The following NFATC2 variants were observed in gnomAD, a reference collection of about 807,000 sequenced individuals.
The protein encoded by NFATC2 is nuclear factor of activated T-cells, cytoplasmic 2.
In NFATC2, 22 loss-of-function variants were observed where a neutral mutation model predicts 87.3. The ratio of observed to expected loss-of-function variants is 0.25; its 90% CI spans 0.18 to 0.36. The LOEUF is 0.36. Among genes scored for constraint, NFATC2 ranks in the 10% least tolerant of loss-of-function variants. NFATC2 has a pLI of 1.00. For missense variants in NFATC2, 1,149 were observed against 1,259.1 expected (o/e 0.91, Z 1.32); for synonymous variants, 565 against 542.2 (o/e 1.04, Z -0.58).
At chr20:51,503,356 A>T (rs1014851763) in intron 3 of NFATC2, among the ~76,000 whole-genome samples, 2 of 152,186 alleles carry the variant, frequency 1.3e-5, no homozygotes, top group Non-Finnish European at 2.9e-5. Flanking sequence ...GACAAGTAAC[A>T]TTCTCTCCAA....
intron 3 of NFATC2, among the ~76,000 whole-genome samples, chr20:51,513,293 C>T (rs6013207): frequency 9.9e-5 from 15 of 151,888 alleles, no homozygotes; most frequent in African/African-American, 1.5e-4. Context: ...GCCTAAGCAA[C>T]GCAGGGAGAC....
At chr20:51,399,356 C>CAAAACACCTGT (rs1987731783) in intron 9 of NFATC2, 1 of 152,194 alleles carries the variant, frequency 6.6e-6, no homozygotes, top group Non-Finnish European at 1.5e-5. Flanking sequence ...CTGTGGCTTT[C>CAAAACACCTGT]AAAACACCTG....
rs1215878752 is a variant in NFATC2, at chr20:51,444,698, G to A, written c.1850-8937C>T. Among the ~76,000 whole-genome samples the A allele has an allele frequency of 2.0e-4, 30 of 152,198 alleles. 2 individuals are homozygous for A. The highest frequency in any genetic ancestry group is 1.8e-3 in the Admixed American group (28 of 15,284). On this transcript the variant is annotated intron_variant, in intron 6 of 10. Transcript: ENST00000371564. ...CACATGATGCTTCCCAGTCCTGGCC[G>A]TGCTTTTAAAAATTAGCCAAATAAA... is the stretch of plus-strand genomic sequence containing the variant.
intron 9 of NFATC2, among the ~76,000 whole-genome samples, chr20:51,404,107 C>A (rs1988323497): frequency 6.6e-6 from 1 of 151,704 alleles, no homozygotes; most frequent in East Asian, 1.9e-4. Context: ...CTAGGAGGCC[C>A]TCTTTTTCCT....
At chr20:51,503,719 G>A (rs1600890152) in intron 3 of NFATC2, among the ~76,000 whole-genome samples, 1 of 152,234 alleles carries the variant, frequency 6.6e-6, no homozygotes, top group South Asian at 2.1e-4. Context: ...GCCTGGGAGG[G>A]GCCTTCAGGC....
chr20:51,396,214 A>G (rs1253863438), intron 10 of NFATC2, among the ~76,000 whole-genome samples: 1 of 151,738 alleles, frequency 6.6e-6, no homozygotes, highest in Non-Finnish European at 1.5e-5. Context: ...TTCTGTTAGT[A>G]TCCCATTCTG....
At chr20:51,532,673 G>A (rs974775327) in intron 1 of NFATC2, among the ~76,000 whole-genome samples, 2 of 152,204 alleles carry the variant, frequency 1.3e-5, no homozygotes, top group African/African-American at 4.8e-5. Context: ...GTGGCCGCTC[G>A]CTCAGCGCCA....
In NFATC2 at chr20:51,438,051, A is replaced by C. The variant is rs540022223; in HGVS notation, c.1850-2290T>G. On this transcript the variant is annotated intron_variant, in intron 6 of 10. Coordinates refer to ENST00000371564, the MANE Select transcript of NFATC2 (RefSeq NM_012340.5). The stretch of plus-strand genomic sequence containing the variant: ...AGCAAGGGAAGATCGCTGGATGGAC[A>C]TCGAGGAATTGGAAGTGAAGTCATC... Among the ~76,000 whole-genome samples, 11 of 152,364 alleles carry C rather than the reference A, an allele frequency of 7.2e-5. No homozygotes were observed. In the South Asian group the frequency reaches 2.3e-3, roughly 32 times the overall value.
chr20:51,398,019 AGGTGGATCTGCTGGGTG>A (rs1568925292), intron 10 of NFATC2, among the ~76,000 whole-genome samples: 2 of 152,148 alleles, frequency 1.3e-5, no homozygotes, highest in Non-Finnish European at 2.9e-5. Context: ...AGGCCCATCG[AGGTGGATCTGCTGGGTG>A]AGGGGCTCAG....
rs1373546904 is a variant in NFATC2 at position 51,523,809 on chromosome 20, C to T, written c.432G>A (p.Gly144=). The T allele has an allele frequency of 6.2e-7, 1 of 1,609,692 alleles. No homozygotes were observed. The highest frequency in any genetic ancestry group is 1.7e-5 in the Admixed American group (1 of 59,446). ...GGGTGAACCTCGGGCTGGCGGCCAC[C>T]CCGGCCAGGGGCGGCTGCTCCACCA... ...GLLVEQPPLA[G]VAASPRFTLP... is the part of the protein sequence containing the mutation. The change falls in exon 2 of 11, where the codon GGG becomes GGA. Residue 144 remains glycine (G), a synonymous_variant. Transcript: ENST00000371564. This position sits in a 1 kb window ranked among gnomAD's most constrained non-coding sequence, Gnocchi z 6.9.
At chr20:51,452,538 T>G (rs968496779) in intron 6 of NFATC2, among the ~76,000 whole-genome samples, 1 of 152,070 alleles carries the variant, frequency 6.6e-6, no homozygotes, top group Non-Finnish European at 1.5e-5. Flanking sequence ...CCCACCAATC[T>G]CTTGCCTTTC....
chr20:51,557,464 T>C (rs950205665), intron 1 of NFATC2, among the ~76,000 whole-genome samples: 1 of 152,134 alleles, frequency 6.6e-6, no homozygotes, highest in Non-Finnish European at 1.5e-5. Context: ...CGGTTGACAC[T>C]CAGTGAGTGG....
chr20:51,487,643 A>T (rs1237038258), intron 3 of NFATC2, among the ~76,000 whole-genome samples: 1 of 152,210 alleles, frequency 6.6e-6, no homozygotes, highest in Non-Finnish European at 1.5e-5. Flanking sequence ...GATGGTGAAG[A>T]GGCAAAAGCT....
intron 1 of NFATC2, among the ~76,000 whole-genome samples, chr20:51,549,071 T>G (rs1217168581): frequency 6.6e-6 from 1 of 152,122 alleles, no homozygotes; most frequent in Non-Finnish European, 1.5e-5. Context: ...GATGGAAGGA[T>G]CGCTCAAGCC....
intron 9 of NFATC2, among the ~76,000 whole-genome samples, chr20:51,408,511 TTAAAAA>T (rs1482463091): frequency 3.2e-5 from 4 of 125,348 alleles, no homozygotes; most frequent in South Asian, 2.4e-4. Flanking sequence ...AAGACTCTTT[TTAAAAA>T]AAAAAAAAAA....
chr20:51,477,914 G>A (rs1988895474), intron 3 of NFATC2, among the ~76,000 whole-genome samples: 1 of 152,056 alleles, frequency 6.6e-6, no homozygotes, highest in African/African-American at 2.4e-5. Flanking sequence ...AGTTTTTCAG[G>A]TACACTAGCC....
At chr20:51,513,123 C>CTT (rs2146678413) in intron 3 of NFATC2, among the ~76,000 whole-genome samples, 1 of 152,258 alleles carries the variant, frequency 6.6e-6, no homozygotes. Context: ...AAAGACTCCA[C>CTT]TTTTTGTCTT....
rs1245750964 is a variant in NFATC2, at chr20:51,473,871, C to G, written c.1708+109G>C. The G allele has an allele frequency of 2.5e-6, 3 of 1,184,482 alleles. No individual in the cohort carries two copies. The Admixed American group carries it at 7.4e-5, about 29-fold the overall frequency. The allele number at this position is 1,184,482 out of a possible 1,614,324, so 73.4% of individuals were successfully genotyped here. ...CCAGTGTAACCCTGTGGGTCCCACA[C>G]ATTCCCGCAGGCCACCCCGGGTACC... On this transcript the variant is annotated intron_variant, in intron 5 of 10. Coordinates refer to ENST00000371564, the MANE Select transcript of NFATC2 (RefSeq NM_012340.5).
chr20:51,519,019 C>T (rs1024174682), intron 2 of NFATC2, among the ~76,000 whole-genome samples: 1 of 151,822 alleles, frequency 6.6e-6, no homozygotes, highest in South Asian at 2.1e-4. Context: ...TGAGCCACTG[C>T]GCCTGGCCAC....
Sources: allele counts gnomAD v4.1 joint callset (sites outside exome capture counted in the v4.1 genomes callset), GRCh38; gene constraint gnomAD v4.1.1; non-coding constraint Gnocchi (gnomAD v3.1); transcripts MANE v1.5; gene names NCBI Gene and HGNC (gene_info 2026-07-23, HGNC 2026-07-21).